NUP188: variants seen among roughly 807,000 people sequenced by gnomAD.
The protein encoded by NUP188 is nucleoporin NUP188.
A neutral mutation model predicts 223.0 loss-of-function variants in NUP188; 97 were observed. That is an observed-to-expected ratio of 0.43 (90% CI 0.37 to 0.51). The LOEUF is 0.51. Among genes scored for constraint, NUP188 ranks in the 20% least tolerant of loss-of-function variants. The pLI is 0.00. For missense variants in NUP188, 1,947 were observed against 2,175.6 expected (o/e 0.89, Z 2.09); for synonymous variants, 869 against 828.0 (o/e 1.05, Z -0.85).
intron 19 of NUP188, 27 bp downstream of exon 19, chr9:128,983,577 C>T: frequency 6.6e-7 from 1 of 1,523,112 alleles, no homozygotes; most frequent in Non-Finnish European, 9.1e-7. Flanking sequence ...GGTGGTGGGC[C>T]ATATTCCCTA....
chr9:128,960,455 AAC>A (rs1379561031), intron 8 of NUP188, among the ~76,000 whole-genome samples: 1 of 152,100 alleles, frequency 6.6e-6, no homozygotes, highest in African/African-American at 2.4e-5. Context: ...TTCTTATTAA[AAC>A]ACATCAAAAA....
intron 31 of NUP188, 68 bp from the exon 32 acceptor site, chr9:128,998,470 G>A (rs1014291243): frequency 5.1e-6 from 7 of 1,362,210 alleles, no homozygotes; most frequent in East Asian, 2.3e-5. Flanking sequence ...CAATGAGGCC[G>A]GAGGTGCCCT....
Position 128,993,483 on chromosome 9 carries a change from C to T in NUP188, c.2848-42C>T, listed in dbSNP as rs1842465198. The T allele has an allele frequency of 3.1e-6, 5 of 1,612,500 alleles. No individual in the cohort carries two copies. The Admixed American group carries it at 8.3e-5, about 27-fold the overall frequency. ...TGGGCTCTGCAAGTACAGCTGCTGG[C>T]AGTGGCTGTGGAACTGAACTCTTAC... On this transcript the variant is annotated intron_variant, in intron 26 of 43. Transcript: ENST00000372577.
intron 14 of NUP188, 115 bp from the exon 15 acceptor site, chr9:128,981,149 A>T (rs1323143058): frequency 3.2e-5 from 40 of 1,265,342 alleles, no homozygotes; most frequent in Non-Finnish European, 4.1e-5. Context: ...TTCCAAGAAC[A>T]GTCACAGTGG....
In NUP188 at chr9:128,998,599, T is replaced by G. The variant is rs1405990711; in HGVS notation, c.3491T>G (p.Leu1164Arg). 1.2e-6 allele frequency: 2 copies of G among 1,614,164 alleles called. No homozygotes were observed. The highest frequency in any genetic ancestry group is 3.3e-5 in the Admixed American group (2 of 60,032). ...RLGSMKCTLL[L>R]ILLRQWKREL... ...GGCTCCATGAAGTGCACTCTGCTGC[T>G]TATCCTCCTCCGGCAGTGGAAGAGG... Residue 1164 changes from leucine (L) to arginine (R), a missense_variant, in exon 32 of 44, where the codon CTT becomes CGT. Transcript: ENST00000372577.
intron 12 of NUP188, among the ~76,000 whole-genome samples, chr9:128,977,360 C>A (rs1309731157): frequency 6.6e-6 from 1 of 151,956 alleles, no homozygotes; most frequent in Non-Finnish European, 1.5e-5. Context: ...ACCTTGTGAT[C>A]TGCCTGCCTC....
At chr9:128,992,848 T>C (rs568169857) in intron 25 of NUP188, among the ~76,000 whole-genome samples, 5 of 152,368 alleles carry the variant, frequency 3.3e-5, no homozygotes, top group African/African-American at 9.6e-5. Flanking sequence ...CCAAAAAACA[T>C]TGTAACAGTT....
At chr9:128,984,856 T>C (rs1842309926) in intron 19 of NUP188, 44 bp from the exon 20 acceptor site, 3 of 1,378,210 alleles carry the variant, frequency 2.2e-6, no homozygotes, top group Non-Finnish European at 3.1e-6. Context: ...CTTGAAACCT[T>C]GAAATTTCCC....
chr9:128,972,165 GC>G (rs1842113651), intron 11 of NUP188, among the ~76,000 whole-genome samples: 1 of 152,152 alleles, frequency 6.6e-6, no homozygotes, highest in Non-Finnish European at 1.5e-5. Context: ...CTTTATAGCA[GC>G]TTTATTCGTA....
At position 129,006,096 on chromosome 9, in the gene NUP188, C is replaced by T. The variant is rs772402721; in HGVS notation, c.4916C>T (p.Thr1639Ile). 1 of 1,614,176 alleles carries T rather than the reference C, an allele frequency of 6.2e-7. No individual in the cohort carries two copies. Among genetic ancestry groups the T allele is most frequent in the East Asian group, 2.2e-5 (1 of 44,876 alleles). Reference sequence around the variant, plus strand: ...CTCACCCAGGCAGTGGGGCTCAGCACACAGGCAGAAGGGACCAGGACGTTA... The same window carrying T: ...CTCACCCAGGCAGTGGGGCTCAGCATACAGGCAGAAGGGACCAGGACGTTA... ...EPLTQAVGLSTQAEGTRTLKS... is the reference protein window; with the variant it reads ...EPLTQAVGLSIQAEGTRTLKS... The change falls in exon 42 of 44, where the codon ACA (threonine) becomes ATA (isoleucine). Residue 1639 changes from threonine to isoleucine, a missense_variant. Thr to Ile is a moderately conservative substitution (Grantham distance 89, BLOSUM62 -1). This residue lies in a region of NUP188 where 905 missense variants were observed against 990.6 expected (regional missense o/e 0.91). Transcript: ENST00000372577.
At chr9:128,995,848 G>A (rs920286249) in intron 30 of NUP188, among the ~76,000 whole-genome samples, 1 of 152,202 alleles carries the variant, frequency 6.6e-6, no homozygotes, top group African/African-American at 2.4e-5. Context: ...CTCGTGCTGT[G>A]TACCTTGTAG....
At chr9:129,004,746 C>T (rs1588296784) in intron 38 of NUP188, 1 of 191,994 alleles carries the variant, frequency 5.2e-6, no homozygotes, top group South Asian at 1.1e-4. Context: ...CCTCGTGATG[C>T]GCCTGCCTCG....
intron 34 of NUP188, 147 bp downstream of exon 34, chr9:128,999,952 T>A (rs550632035): frequency 1.4e-6 from 1 of 713,354 alleles, no homozygotes; most frequent in South Asian, 1.8e-5. Context: ...GATCAGACAC[T>A]GCAGAAAAGC....
intron 17 of NUP188, 60 bp downstream of exon 17, chr9:128,983,088 A>C (rs1258530347): frequency 4.4e-6 from 7 of 1,600,514 alleles, no homozygotes; most frequent in Non-Finnish European, 6.0e-6. Flanking sequence ...TTGTGCCCTC[A>C]GTTTGCAGGA....
At chr9:129,002,074 C>T (rs1842681699) in intron 36 of NUP188, 98 bp downstream of exon 36, 2 of 916,178 alleles carry the variant, frequency 2.2e-6, no homozygotes, top group Non-Finnish European at 3.5e-6. Flanking sequence ...TTGCTTTCCT[C>T]TAAATTGCCT....
At position 128,980,705 on chromosome 9, in the gene NUP188, G is replaced by A. The variant is rs773355044; in HGVS notation, c.1369G>A (p.Gly457Arg). The A allele has an allele frequency of 6.2e-7, 1 of 1,614,088 alleles. No homozygotes were observed. The highest frequency in any genetic ancestry group is 8.5e-7 in the Non-Finnish European group (1 of 1,179,994). ...LLQLLRALVS[G>R]KSTAKKVYSF... ...GCAACTGCTCCGAGCCCTGGTATCA[G>A]GGAAGTCCACAGCCAAAAAGGTAAG... is the stretch of plus-strand genomic sequence containing the variant. The change falls in exon 14 of 44, where the codon GGG (glycine) becomes AGG (arginine). Residue 457 changes from glycine (G) to arginine (R), a missense_variant. By Grantham distance (125) the Gly-to-Arg change is moderately radical. Coordinates refer to ENST00000372577, the MANE Select transcript of NUP188 (RefSeq NM_015354.3).
At chr9:128,961,622 A>ATAGAT (rs774001270) in intron 8 of NUP188, among the ~76,000 whole-genome samples, 1,470 of 133,904 alleles carry the variant, frequency 0.011, 10 homozygotes, top group East Asian at 0.02. Context: ...AGATAGATAG[A>ATAGAT]TTTTTTTTTT....
At chr9:128,974,313 C>A (rs1842141014) in intron 12 of NUP188, among the ~76,000 whole-genome samples, 1 of 151,630 alleles carries the variant, frequency 6.6e-6, no homozygotes, top group Admixed American at 6.6e-5. Context: ...CGTTTTGTAA[C>A]CTCATTTTTT....
chr9:128,970,407 G>A (rs552690431), intron 10 of NUP188, among the ~76,000 whole-genome samples: 1 of 152,180 alleles, frequency 6.6e-6, no homozygotes, highest in Non-Finnish European at 1.5e-5. Flanking sequence ...TGAAAGAAGA[G>A]GAAAGGGGAA....
Sources: gnomAD v4.1 joint callset for allele counts (sites outside exome capture counted in the v4.1 genomes callset) on GRCh38, gnomAD v4.1.1 for gene constraint, gnomAD v4.1.1 regional missense constraint, MANE v1.5 for transcripts, NCBI Gene and HGNC (gene_info 2026-07-23, HGNC 2026-07-21) for gene names.